The following ADAMTS16 variants were observed in gnomAD, a reference collection of about 807,000 sequenced individuals.
ADAMTS16 encodes the protein A disintegrin and metalloproteinase with thrombospondin motifs 16.
A neutral mutation model predicts 145.8 loss-of-function variants in ADAMTS16; 94 were observed. The ratio of observed to expected loss-of-function variants is 0.64; its 90% confidence interval spans 0.55 to 0.77. The LOEUF is 0.77. ADAMTS16 is among the 30% of genes least tolerant of loss of function. ADAMTS16 has a pLI of 0.00. For missense variants in ADAMTS16, 1,585 were observed against 1,591.5 expected, an observed-to-expected ratio of 1.00 and a Z score of 0.07; for synonymous variants, 659 against 604.3, an observed-to-expected ratio of 1.09 and a Z score of -1.33.
At chr5:5,234,738 C>T (rs1003402903) in intron 12 of ADAMTS16, among the ~76,000 whole-genome samples, 1 of 151,764 alleles carries the variant, frequency 6.6e-6, no homozygotes, top group Non-Finnish European at 1.5e-5. Flanking sequence ...GGTGTGGTGG[C>T]GTGTGCCTAT....
At chr5:5,188,231 T>C (rs1735563749) in intron 6 of ADAMTS16, among the ~76,000 whole-genome samples, 1 of 152,232 alleles carries the variant, frequency 6.6e-6, no homozygotes, top group Non-Finnish European at 1.5e-5. Context: ...TGTGGCCCTG[T>C]GTTGCTTTAT....
intron 11 of ADAMTS16, among the ~76,000 whole-genome samples, 200 bp from the exon 12 acceptor site, chr5:5,232,168 A>G (rs1736945297): frequency 8.0e-6 from 1 of 125,770 alleles, no homozygotes; most frequent in African/African-American, 3.3e-5. Flanking sequence ...AATTTATAGG[A>G]GGATGCTAGG....
chr5:5,306,435 A>G (rs57416330), intron 20 of ADAMTS16, 69 bp from the exon 21 acceptor site: 74,743 of 1,378,360 alleles, frequency 0.054, 2,507 homozygotes, highest in African/African-American at 0.14. Flanking sequence ...TATCTCTGAT[A>G]TTTTAACCCA....
chr5:5,171,393 ACACTAG>A (rs1408396642), intron 3 of ADAMTS16, among the ~76,000 whole-genome samples: 2 of 152,160 alleles, frequency 1.3e-5, no homozygotes, highest in East Asian at 3.9e-4. Flanking sequence ...ATTCAGTATG[ACACTAG>A]CTGTGGGTCT....
At chr5:5,236,157 A>G (rs983367338) in intron 13 of ADAMTS16, among the ~76,000 whole-genome samples, 25 of 152,210 alleles carry the variant, frequency 1.6e-4, no homozygotes, top group Non-Finnish European at 2.9e-5. Context: ...CACAGTAATC[A>G]TGGACGCACA....
At chr5:5,312,701 G>A (rs973286296) in intron 21 of ADAMTS16, among the ~76,000 whole-genome samples, 3 of 152,094 alleles carry the variant, frequency 2.0e-5, no homozygotes, top group Non-Finnish European at 2.9e-5. Context: ...AAGTGGATTC[G>A]CCCACTTCGG....
intron 10 of ADAMTS16, among the ~76,000 whole-genome samples, chr5:5,219,787 T>A (rs1356841092): frequency 1.3e-5 from 2 of 152,232 alleles, no homozygotes; most frequent in African/African-American, 4.8e-5. Flanking sequence ...GACTTGGCAG[T>A]GAGCTGTCAC....
chr5:5,182,765 C>T (rs1735376986), intron 4 of ADAMTS16, among the ~76,000 whole-genome samples: 1 of 149,558 alleles, frequency 6.7e-6, no homozygotes, highest in African/African-American at 2.5e-5. Context: ...CGATTTATCA[C>T]CAAAGCTTTA....
intron 16 of ADAMTS16, 121 bp from the exon 17 acceptor site, chr5:5,241,932 T>G (rs1441699876): frequency 2.5e-6 from 3 of 1,207,084 alleles, no homozygotes; most frequent in Non-Finnish European, 1.2e-6. Flanking sequence ...TGAATGTATT[T>G]TATCATCATA....
intron 10 of ADAMTS16, among the ~76,000 whole-genome samples, chr5:5,209,874 AT>A (rs1736228715): frequency 6.6e-6 from 1 of 152,202 alleles, no homozygotes; most frequent in Non-Finnish European, 1.5e-5. Context: ...AAAAGTAACT[AT>A]TTTTAAGGTT....
rs373102044 is a variant in ADAMTS16, at chr5:5,234,614, G to T, written c.1851-400G>T. On this transcript the variant is annotated intron_variant, in intron 12 of 22. Coordinates refer to ENST00000274181, the MANE Select transcript of ADAMTS16 (RefSeq NM_139056.4). ...CAGCTGGGCGTGGTGGCTTCTACCT[G>T]TAATCCCAGTACTTTGGGAGGTTGA... Among the ~76,000 whole-genome samples, 12 of 152,314 alleles carry T rather than the reference G, an allele frequency of 7.9e-5. No homozygotes were observed. In the South Asian group the frequency reaches 1.0e-3, roughly 13 times the overall value.
In ADAMTS16 at chr5:5,184,808, C is replaced by A. The variant is rs1481974857; in HGVS notation, c.764-1244C>A. Among the ~76,000 whole-genome samples, 4 of 152,030 alleles carry A rather than the reference C, an allele frequency of 2.6e-5. No individual in the cohort carries two copies. The East Asian group carries it at 5.8e-4, about 22-fold the overall frequency. ...GATCACCACCCCACGGAGTTTCTGA[C>A]CCCTGCCCCCAATACTGAGGGCCTG... On this transcript the variant is annotated intron_variant, in intron 4 of 22. Transcript: ENST00000274181.
chr5:5,168,537 A>G (rs1297443730), intron 3 of ADAMTS16, among the ~76,000 whole-genome samples: 1 of 140,720 alleles, frequency 7.1e-6, no homozygotes, highest in African/African-American at 2.6e-5. Flanking sequence ...AGTAACTATC[A>G]CCATTTTTAT....
rs539968217 is a variant in ADAMTS16 at position 5,269,780 on chromosome 5, G to A, written c.2789+6997G>A. On this transcript the variant is annotated intron_variant, in intron 18 of 22. Transcript: ENST00000274181. This position sits in a 1 kb window ranked among gnomAD's most constrained non-coding sequence, Gnocchi z 4.3. Reference sequence around the variant, plus strand: ...TTCTGGTATTGAGAGATTTGGAGCTGAAGACATCCCTGCGTTCTGCTGTGT... The same window carrying A: ...TTCTGGTATTGAGAGATTTGGAGCTAAAGACATCCCTGCGTTCTGCTGTGT... Among the ~76,000 whole-genome samples the A allele has an allele frequency of 2.0e-5, 3 of 152,310 alleles. No homozygotes were observed. The East Asian group carries it at 5.8e-4, about 29-fold the overall frequency.
chr5:5,150,029 A>C (rs1734406512), intron 3 of ADAMTS16, among the ~76,000 whole-genome samples: 1 of 152,162 alleles, frequency 6.6e-6, no homozygotes, highest in South Asian at 2.1e-4. Context: ...ATGTGTCTTC[A>C]TTTCTCTTGG....
At chr5:5,258,008 A>C (rs1179017041) in intron 17 of ADAMTS16, among the ~76,000 whole-genome samples, 1 of 152,232 alleles carries the variant, frequency 6.6e-6, no homozygotes, top group Non-Finnish European at 1.5e-5. Flanking sequence ...AAAGAGTTAC[A>C]TAGGTCTTGA....
At chr5:5,221,399 G>A (rs1736602531) in intron 10 of ADAMTS16, among the ~76,000 whole-genome samples, 1 of 152,128 alleles carries the variant, frequency 6.6e-6, no homozygotes. Context: ...GAGCATCACT[G>A]TTTGTTCCCT....
chr5:5,294,570 G>A (rs1739453962), intron 18 of ADAMTS16, among the ~76,000 whole-genome samples: 1 of 152,216 alleles, frequency 6.6e-6, no homozygotes, highest in Non-Finnish European at 1.5e-5. Context: ...AGATTTGAAT[G>A]TTTATCTCAC....
intron 18 of ADAMTS16, among the ~76,000 whole-genome samples, chr5:5,284,527 G>T (rs1739039921): frequency 6.6e-6 from 1 of 152,154 alleles, no homozygotes; most frequent in African/African-American, 2.4e-5. Flanking sequence ...TAATCTCCCT[G>T]CTCAGAGAGT....
Sources: allele counts gnomAD v4.1 joint callset (sites outside exome capture counted in the v4.1 genomes callset), GRCh38; gene constraint gnomAD v4.1.1; non-coding constraint Gnocchi (gnomAD v3.1); transcripts MANE v1.5; gene names NCBI Gene and HGNC (gene_info 2026-07-23, HGNC 2026-07-21).